Variants in TM9SF3 observed in about 807,000 individuals in gnomAD.
TM9SF3 encodes SM-11044-binding protein.
In TM9SF3, 14 loss-of-function variants were observed where a neutral mutation model predicts 78.6. The observed-to-expected ratio is 0.18, with a 90% CI of 0.12 to 0.28. The LOEUF (loss-of-function observed/expected upper bound fraction) is 0.28, where lower values mean the gene tolerates loss of function less well. Among genes scored for constraint, TM9SF3 ranks in the 10% least tolerant of loss-of-function variants. The probability of loss-of-function intolerance (pLI) is 1.00; values close to 1 mark genes in which losing one functional copy is unlikely to be tolerated. For synonymous variants in TM9SF3, 231 were observed against 241.7 expected, an observed-to-expected ratio of 0.96 and a Z score of 0.41; for missense variants, 496 against 721.9, an observed-to-expected ratio of 0.69 and a Z score of 3.59.
At chr10:96,560,147 T>C in intron 4 of TM9SF3, 1 of 747,164 alleles carries the variant, frequency 1.3e-6, no homozygotes, top group South Asian at 1.4e-5. Flanking sequence ...TTTATCTCCG[T>C]CTGCCTTCTT....
chr10:96,558,469 C>T (rs1848261572), intron 5 of TM9SF3, among the ~76,000 whole-genome samples: 1 of 151,844 alleles, frequency 6.6e-6, no homozygotes, highest in African/African-American at 2.4e-5. Context: ...ATGGTGAAAC[C>T]CCACCCCTAC....
chr10:96,586,762 C>CGGGGCAGCA lies in TM9SF3; in HGVS notation c.65_73dup (p.Leu22_Pro24dup). On this transcript the variant is annotated inframe_insertion, in exon 1 of 15. Coordinates refer to ENST00000371142, the MANE Select transcript of TM9SF3 (RefSeq NM_020123.4). ...GTGTTCGTGCTCGTCCGCCCGGGTCCGGGGCAGCAGCAGCAGCAGCAGCCA... is the reference window on the plus strand; with the variant it reads ...GTGTTCGTGCTCGTCCGCCCGGGTCCGGGGCAGCAGGGGCAGCAGCAGCAGCAGCAGCCA... 1 of 1,284,610 alleles carries CGGGGCAGCA rather than the reference C, an allele frequency of 7.8e-7. No homozygotes were observed. Among genetic ancestry groups the CGGGGCAGCA allele is most frequent in the Non-Finnish European group, 9.8e-7 (1 of 1,015,564 alleles). The allele number at this position is 1,284,610 out of a possible 1,614,324, so 79.6% of individuals were successfully genotyped here. A position where few individuals can be genotyped will look rare whatever the true frequency, so the allele number is the denominator to read the frequency against.
At chr10:96,580,879 AAAACT>A (rs1428698753) in intron 1 of TM9SF3, among the ~76,000 whole-genome samples, 8 of 152,238 alleles carry the variant, frequency 5.3e-5, no homozygotes, top group Non-Finnish European at 8.8e-5. Flanking sequence ...AAACAAAAAC[AAAACT>A]AAAGAACAGA....
At chr10:96,533,431 T>C (rs1240578586) in intron 9 of TM9SF3, among the ~76,000 whole-genome samples, 2 of 152,198 alleles carry the variant, frequency 1.3e-5, no homozygotes, top group East Asian at 3.8e-4. Context: ...TCTTTCCTAT[T>C]CTTCCAGACT....
At chr10:96,526,817 A>G (rs145696360) in intron 14 of TM9SF3, among the ~76,000 whole-genome samples, 1,964 of 152,234 alleles carry the variant, frequency 0.013, 32 homozygotes, top group Non-Finnish European at 0.016. Flanking sequence ...ACACCTTAAC[A>G]TGCCTACATC....
chr10:96,570,984 C>T (rs1348074373), intron 2 of TM9SF3, among the ~76,000 whole-genome samples: 2 of 152,190 alleles, frequency 1.3e-5, no homozygotes, highest in Non-Finnish European at 1.5e-5. Flanking sequence ...AGTGATCCAC[C>T]CGCCTCGGCT....
intron 3 of TM9SF3, among the ~76,000 whole-genome samples, chr10:96,563,463 C>T (rs1848333945): frequency 6.6e-6 from 1 of 152,078 alleles, no homozygotes; most frequent in Non-Finnish European, 1.5e-5. Context: ...GCAACCTCCA[C>T]CCGCTGGGTT....
chr10:96,522,189 T>C lies in TM9SF3; in HGVS notation c.*74A>G, dbSNP rs547077983. The C allele has an allele frequency of 2.8e-5, 36 of 1,288,182 alleles. No individual in the cohort carries two copies. The Admixed American group carries it at 7.0e-4, about 25-fold the overall frequency. The allele number at this position is 1,288,182 out of a possible 1,614,324, so 79.8% of individuals were successfully genotyped here. A position where few individuals can be genotyped will look rare whatever the true frequency, so the allele number is the denominator to read the frequency against. On this transcript the variant is annotated 3_prime_UTR_variant, in exon 15 of 15. Coordinates refer to ENST00000371142, the MANE Select transcript of TM9SF3 (RefSeq NM_020123.4). Reference sequence around the variant, plus strand: ...TAAAGCCCAAATCTCTTCTTGCGTTTGTTTGTTTTTGCTGTGCAAGTTCCA... The same window carrying C: ...TAAAGCCCAAATCTCTTCTTGCGTTCGTTTGTTTTTGCTGTGCAAGTTCCA...
chr10:96,535,326 G>A (rs1349523874), intron 9 of TM9SF3, among the ~76,000 whole-genome samples: 1 of 151,950 alleles, frequency 6.6e-6, no homozygotes, highest in East Asian at 1.9e-4. Flanking sequence ...AAGGCAAGCT[G>A]TTAAAAAAAA....
intron 4 of TM9SF3, chr10:96,561,011 TCAA>T (rs1468947722): frequency 7.7e-6 from 3 of 389,094 alleles, no homozygotes; most frequent in Non-Finnish European, 1.4e-5. Context: ...CTGAGTATCA[TCAA>T]CAATCCAGAC....
intron 2 of TM9SF3, among the ~76,000 whole-genome samples, chr10:96,574,768 T>C (rs1266138856): frequency 2.6e-5 from 4 of 152,190 alleles, no homozygotes; most frequent in Admixed American, 2.0e-4. Flanking sequence ...TTAACATTCT[T>C]TGCAGGGACA....
intron 10 of TM9SF3, among the ~76,000 whole-genome samples, chr10:96,532,476 T>A (rs1264417425): frequency 1.3e-5 from 2 of 151,626 alleles, no homozygotes; most frequent in African/African-American, 4.8e-5. Flanking sequence ...GACAGAGACT[T>A]TATATATATA....
At chr10:96,562,298 G>T (rs7094732) in intron 3 of TM9SF3, among the ~76,000 whole-genome samples, 160 bp from the exon 4 acceptor site, 2,717 of 141,416 alleles carry the variant, frequency 0.019, 76 homozygotes, top group African/African-American at 0.066. Flanking sequence ...TGCCATGATT[G>T]TAAGTTTCCT....
At chr10:96,579,297 G>A (rs769499408) in intron 1 of TM9SF3, among the ~76,000 whole-genome samples, 2 of 152,112 alleles carry the variant, frequency 1.3e-5, no homozygotes, top group Non-Finnish European at 2.9e-5. Context: ...TGAATGAGAC[G>A]ACCTATTAAA....
In TM9SF3 at chr10:96,541,454, C is replaced by T. The variant is rs571034423; in HGVS notation, c.1185+2622G>A. Among the ~76,000 whole-genome samples the T allele has an allele frequency of 2.0e-5, 3 of 152,168 alleles. No homozygotes were observed. The South Asian group carries it at 6.2e-4, about 32-fold the overall frequency. ...GCAATGGCGTGATCTCAGCTCACTG[C>T]AACCTCCGCCTCCTGGGTTCAAGTG... On this transcript the variant is annotated intron_variant, in intron 9 of 14. Coordinates refer to ENST00000371142, the MANE Select transcript of TM9SF3 (RefSeq NM_020123.4).
In TM9SF3 at chr10:96,521,565, T is replaced by C. The variant is rs781313427; in HGVS notation, c.*698A>G. 1 of 152,456 alleles carries C rather than the reference T, an allele frequency of 6.6e-6. No individual in the cohort carries two copies. Among genetic ancestry groups the C allele is most frequent in the Non-Finnish European group, 1.5e-5 (1 of 67,898 alleles). The allele number at this position is 152,456 out of a possible 1,614,324, so 9.4% of individuals were successfully genotyped here. On this transcript the variant is annotated 3_prime_UTR_variant, in exon 15 of 15. Transcript: ENST00000371142. Reference sequence around the variant, plus strand: ...GCATTGTAGAGAGTACACTTCTGTCTTCAAACTGTATCTTCTTTGGATGGA... The same window carrying C: ...GCATTGTAGAGAGTACACTTCTGTCCTCAAACTGTATCTTCTTTGGATGGA...
intron 9 of TM9SF3, among the ~76,000 whole-genome samples, chr10:96,543,344 C>CTTTTTTTTTTTTTTTTTTTTTTT (rs398014526): frequency 7.3e-6 from 1 of 136,894 alleles, no homozygotes; most frequent in Non-Finnish European, 1.5e-5. Context: ...TAGTGAGATT[C>CTTTTTTTTTTTTTTTTTTTTTTT]TTTTTTTTGA....
At chr10:96,567,474 A>G (rs1482354390) in intron 2 of TM9SF3, among the ~76,000 whole-genome samples, 7 of 152,164 alleles carry the variant, frequency 4.6e-5, no homozygotes, top group Non-Finnish European at 2.9e-5. Flanking sequence ...CTCTACGCTC[A>G]AGCCAAACTC....
chr10:96,539,060 T>C (rs554824070), intron 9 of TM9SF3, among the ~76,000 whole-genome samples: 1 of 152,324 alleles, frequency 6.6e-6, no homozygotes, highest in Non-Finnish European at 1.5e-5. Flanking sequence ...TGCACATAAA[T>C]ACAGTAACTT....
Sources: gnomAD v4.1 joint callset for allele counts (sites outside exome capture counted in the v4.1 genomes callset) on GRCh38, gnomAD v4.1.1 for gene constraint, MANE v1.5 for transcripts, NCBI Gene and HGNC (gene_info 2026-07-23, HGNC 2026-07-21) for gene names.